Variants in CACNA1H observed in about 807,000 individuals in gnomAD.
The protein encoded by CACNA1H is voltage-dependent T-type calcium channel subunit alpha-1H.
CACNA1H carries 149 observed loss-of-function variants against 192.5 expected under a neutral mutation model. The ratio of observed to expected loss-of-function variants is 0.77; its 90% CI spans 0.68 to 0.89. The LOEUF (loss-of-function observed/expected upper bound fraction) is 0.89, where lower values mean the gene tolerates loss of function less well. Among genes scored for constraint, CACNA1H ranks in the 40% least tolerant of loss-of-function variants. The pLI is 0.00. For synonymous variants in CACNA1H, 2,202 were observed against 1,475.2 expected (o/e 1.49, Z -11.29); for missense variants, 4,257 against 3,423.5 (o/e 1.24, Z -6.08).
intron 8 of CACNA1H, among the ~76,000 whole-genome samples, 155 bp downstream of exon 8, chr16:1,200,963 T>G (rs1967803547): frequency 1.3e-5 from 2 of 148,662 alleles, no homozygotes; most frequent in Non-Finnish European, 3.0e-5. Flanking sequence ...GGTGGGGAGG[T>G]GTGGCTGGGG....
intron 2 of CACNA1H, among the ~76,000 whole-genome samples, chr16:1,162,293 C>T (rs1963285321): frequency 6.6e-6 from 1 of 152,134 alleles, no homozygotes. Context: ...CCCCACCTGC[C>T]CTCACAGCTG....
intron 2 of CACNA1H, among the ~76,000 whole-genome samples, chr16:1,176,718 C>CA (rs1964926894): frequency 6.6e-6 from 1 of 152,194 alleles, no homozygotes; most frequent in Non-Finnish European, 1.5e-5. Flanking sequence ...CTGTGACCCA[C>CA]AGGGGATGCT....
chr16:1,208,508 G>A (rs574034545), intron 16 of CACNA1H, among the ~76,000 whole-genome samples: 5 of 152,330 alleles, frequency 3.3e-5, no homozygotes, highest in Admixed American at 1.3e-4. Flanking sequence ...GGGCAGAAGC[G>A]TGCCCGGCAA....
chr16:1,217,892 G>A, intron 31 of CACNA1H, 27 bp from the exon 32 acceptor site: 2 of 1,578,252 alleles, frequency 1.3e-6, no homozygotes, highest in Non-Finnish European at 1.7e-6. Flanking sequence ...GGGCTCGGCT[G>A]ACCGGGCGGG....
At chr16:1,158,523 C>G (rs867347360) in intron 2 of CACNA1H, among the ~76,000 whole-genome samples, 20 of 152,198 alleles carry the variant, frequency 1.3e-4, no homozygotes, top group African/African-American at 4.8e-4. Flanking sequence ...GCCGCACGCC[C>G]CGTGGGACGT....
Position 1,200,257 on chromosome 16 carries a change from A to G in CACNA1H, c.805A>G (p.Asn269Asp). The G allele has an allele frequency of 1.3e-6, 2 of 1,594,220 alleles. No individual in the cohort carries two copies. The highest frequency in any genetic ancestry group is 1.7e-4 in the Middle Eastern group (1 of 5,998). Residue 269 changes from asparagine (N) to aspartate (D), a missense_variant and splice_region_variant, in exon 7 of 35, where the codon AAC (asparagine) becomes GAC (aspartate). Coordinates refer to ENST00000348261, the MANE Select transcript of CACNA1H (RefSeq NM_021098.3). Reference sequence around the variant, plus strand: ...GGCCCTGGCTGTGCCCATCCCCAGGAACAACAACCTGACCTTCCTGCGGCC... The same window carrying G: ...GGCCCTGGCTGTGCCCATCCCCAGGGACAACAACCTGACCTTCCTGCGGCC... Reference protein sequence around the residue: ...RCFLDSAFVRNNNLTFLRPYY... With the variant: ...RCFLDSAFVRDNNLTFLRPYY...
At chr16:1,210,339 CCCCA>C in intron 18 of CACNA1H, 27 bp from the exon 19 acceptor site, 6 of 976,590 alleles carry the variant, frequency 6.1e-6, no homozygotes, top group African/African-American at 3.2e-5. Flanking sequence ...CGCCGCCCCG[CCCCA>C]CCTCTCACCC....
chr16:1,193,386 G>A (rs1296663238), intron 2 of CACNA1H, among the ~76,000 whole-genome samples: 1 of 152,246 alleles, frequency 6.6e-6, no homozygotes, highest in African/African-American at 2.4e-5. Flanking sequence ...GGCTTCCACA[G>A]CAGGGCCTCG....
intron 27 of CACNA1H, among the ~76,000 whole-genome samples, chr16:1,214,487 T>G (rs1405724057): frequency 1.3e-5 from 2 of 152,138 alleles, no homozygotes; most frequent in Non-Finnish European, 2.9e-5. Context: ...AGGTTCGTCC[T>G]CAGAGGGTGA....
At chr16:1,213,733 C>T (rs1490314676) in intron 26 of CACNA1H, 47 bp from the exon 27 acceptor site, 16 of 1,431,648 alleles carry the variant, frequency 1.1e-5, no homozygotes, top group East Asian at 5.0e-5. Flanking sequence ...GAGCCAGGAG[C>T]GCCGGGCGGC....
rs549401999 is a variant in CACNA1H, at chr16:1,216,281, C to T, written c.5245-651C>T. On this transcript the variant is annotated intron_variant, in intron 30 of 34. Coordinates refer to ENST00000348261, the MANE Select transcript of CACNA1H (RefSeq NM_021098.3). ...TCCCCACTCACCCTGTCCTCAGCGG[C>T]GTGCCTAGCTTCGTCCAAGTAACAC... 2.0e-5 allele frequency among the ~76,000 whole-genome samples: 3 copies of T among 152,346 alleles called. No homozygotes were observed. The South Asian group carries it at 6.2e-4, about 32-fold the overall frequency.
At chr16:1,210,553 A>C (rs1214208911) in intron 19 of CACNA1H, 30 bp from the exon 20 acceptor site, 4 of 1,610,090 alleles carry the variant, frequency 2.5e-6, no homozygotes, top group South Asian at 2.2e-5. Flanking sequence ...GGTGGAGTGG[A>C]CACAGCCCCC....
At chr16:1,193,708 G>A (rs113902561) in intron 2 of CACNA1H, among the ~76,000 whole-genome samples, 1 of 152,358 alleles carries the variant, frequency 6.6e-6, no homozygotes, top group African/African-American at 2.4e-5. Context: ...GTGGGAATAT[G>A]TAATTACATT....
intron 2 of CACNA1H, among the ~76,000 whole-genome samples, chr16:1,177,597 G>A (rs1173854299): frequency 2.0e-5 from 3 of 152,116 alleles, no homozygotes; most frequent in Admixed American, 1.3e-4. Flanking sequence ...GGGAGGGGGC[G>A]TCCTAGTGTG....
At chr16:1,160,826 C>T (rs898258958) in intron 2 of CACNA1H, among the ~76,000 whole-genome samples, 7 of 152,100 alleles carry the variant, frequency 4.6e-5, no homozygotes, top group Middle Eastern at 6.3e-3. Flanking sequence ...TGGGTGTGGC[C>T]GCCGCCTGCG....
chr16:1,181,891 A>G (rs1475557934), intron 2 of CACNA1H, among the ~76,000 whole-genome samples: 5 of 152,042 alleles, frequency 3.3e-5, no homozygotes, highest in African/African-American at 1.2e-4. Flanking sequence ...AGGTCCCCAC[A>G]CTGCCCTTAC....
At position 1,202,249 on chromosome 16, in the gene CACNA1H, C is replaced by T. The variant is rs759349379; in HGVS notation, c.1799C>T (p.Ala600Val). The change falls in exon 9 of 35, where the codon GCC (alanine) becomes GTC (valine). Residue 600 changes from alanine to valine, a missense_variant. Coordinates refer to ENST00000348261, the MANE Select transcript of CACNA1H (RefSeq NM_021098.3). The part of the protein sequence containing the change: ...RVAHAAATAA[A>V]SLRLATGLGT... ...GCACATGCCGCAGCCACTGCCGCTG[C>T]CAGCCTCAGACTGGCCACAGGGCTG... The T allele has an allele frequency of 2.9e-5, 45 of 1,567,364 alleles. No homozygotes were observed. Among genetic ancestry groups the T allele is most frequent in the Middle Eastern group, 1.7e-4 (1 of 6,026 alleles).
In CACNA1H at chr16:1,153,128, G is replaced by C. The variant is rs1482687259; in HGVS notation, c.-361G>C. ...CTCAGCCCGAAGTTTCCTGCGCCGC[G>C]CGCGGACGGGCTCGAGGCTCGCTCG... On this transcript the variant is annotated 5_prime_UTR_variant, in exon 1 of 35. Coordinates refer to ENST00000348261, the MANE Select transcript of CACNA1H (RefSeq NM_021098.3). The C allele has an allele frequency of 7.0e-6, 1 of 142,998 alleles. No individual in the cohort carries two copies. The highest frequency in any genetic ancestry group is 2.5e-5 in the African/African-American group (1 of 39,854). The allele number at this position is 142,998 out of a possible 1,614,324, so 8.9% of individuals were successfully genotyped here. A position where few individuals can be genotyped will look rare whatever the true frequency, so the allele number is the denominator to read the frequency against.
At chr16:1,169,365 C>G (rs959621620) in intron 2 of CACNA1H, among the ~76,000 whole-genome samples, 1 of 152,350 alleles carries the variant, frequency 6.6e-6, no homozygotes, top group African/African-American at 2.4e-5. Context: ...TGCCCTCCCA[C>G]CCTCTGACAC....
Sources: gnomAD v4.1 joint callset for allele counts (sites outside exome capture counted in the v4.1 genomes callset) on GRCh38, gnomAD v4.1.1 for gene constraint, MANE v1.5 for transcripts, NCBI Gene and HGNC (gene_info 2026-07-23, HGNC 2026-07-21) for gene names.